The following STPG2 variants were observed in gnomAD, a reference collection of about 807,000 sequenced individuals.
STPG2 encodes the protein sperm-tail PG-rich repeat-containing protein 2.
Under a neutral mutation model 54.2 loss-of-function variants are expected in STPG2, and 56 were observed. That is an observed-to-expected ratio of 1.03 (90% CI 0.83 to 1.29). STPG2 has a LOEUF of 1.29. STPG2 is among the 50% of genes most tolerant of loss of function. The pLI, the probability that STPG2 is intolerant of heterozygous loss-of-function variation, is 0.00. For missense variants in STPG2, 596 were observed against 544.9 expected (o/e 1.09, Z -0.93); for synonymous variants, 200 against 181.8 (o/e 1.10, Z -0.81).
At chr4:98,065,523 T>C (rs2110102665) in intron 5 of STPG2, among the ~76,000 whole-genome samples, 1 of 152,300 alleles carries the variant, frequency 6.6e-6, no homozygotes, top group South Asian at 2.1e-4. Context: ...GATCCTAATG[T>C]ATATTAGAGT....
chr4:97,595,922 T>G (rs1224716879), intron 10 of STPG2, among the ~76,000 whole-genome samples: 1 of 152,284 alleles, frequency 6.6e-6, no homozygotes, highest in South Asian at 2.1e-4. Flanking sequence ...ACATCAATAT[T>G]AACCTTGAAT....
intron 4 of STPG2, among the ~76,000 whole-genome samples, chr4:97,447,185 T>C (rs1358562496): frequency 6.6e-6 from 1 of 152,208 alleles, no homozygotes; most frequent in Non-Finnish European, 1.5e-5. Flanking sequence ...AGAATTTTGC[T>C]CCTGCCCTGG....
intron 8 of STPG2, 57 bp downstream of exon 8, chr4:97,943,840 C>A: frequency 7.6e-7 from 1 of 1,312,576 alleles, no homozygotes. Flanking sequence ...TTATGTTATG[C>A]AGCCTCCTCC....
intron 9 of STPG2, among the ~76,000 whole-genome samples, chr4:97,774,776 C>T (rs1726324826): frequency 6.6e-6 from 1 of 152,176 alleles, no homozygotes. Flanking sequence ...GAACCCATCT[C>T]CTTTCCATCC....
At chr4:97,469,704 A>C (rs1729876074) in intron 4 of STPG2, among the ~76,000 whole-genome samples, 1 of 151,840 alleles carries the variant, frequency 6.6e-6, no homozygotes, top group African/African-American at 2.4e-5. Context: ...ACCCAAGCAA[A>C]ACCAAGCAGA....
In STPG2 at chr4:97,681,153, C is replaced by A. The variant is rs113263606; in HGVS notation, c.1320+31546G>T. On this transcript the variant is annotated intron_variant, in intron 10 of 10. Transcript: ENST00000295268. ...GTGAAATACAGATGTAAAAAGAAAC[C>A]TATTAGTGATGATGAAAATTTTTTT... 5.1e-3 allele frequency among the ~76,000 whole-genome samples: 771 copies of A among 151,712 alleles called. 4 individuals carry two copies. Among genetic ancestry groups the A allele is most frequent in the Middle Eastern group, 0.02 (6 of 294 alleles).
intron 10 of STPG2, among the ~76,000 whole-genome samples, chr4:97,600,743 A>C (rs1733437027): frequency 6.6e-6 from 1 of 152,160 alleles, no homozygotes; most frequent in South Asian, 2.1e-4. Flanking sequence ...GGGAAAGTTC[A>C]AAAATAGCGC....
At chr4:97,844,948 C>T (rs541294575) in intron 8 of STPG2, among the ~76,000 whole-genome samples, 2 of 152,022 alleles carry the variant, frequency 1.3e-5, no homozygotes, top group South Asian at 4.1e-4. Flanking sequence ...CTCAAATCTC[C>T]TGAGTCAAGT....
At chr4:97,690,038 C>G (rs772577742) in intron 10 of STPG2, among the ~76,000 whole-genome samples, 3 of 152,128 alleles carry the variant, frequency 2.0e-5, no homozygotes, top group Non-Finnish European at 4.4e-5. Flanking sequence ...TAATTTTACA[C>G]TTTAAGCATA....
At chr4:97,967,655 C>A (rs1239866811) in intron 7 of STPG2, among the ~76,000 whole-genome samples, 1 of 152,188 alleles carries the variant, frequency 6.6e-6, no homozygotes, top group Non-Finnish European at 1.5e-5. Flanking sequence ...CACAAAAAAA[C>A]TGTCTCTCAG....
At chr4:97,789,365 G>A (rs897294698) in intron 9 of STPG2, among the ~76,000 whole-genome samples, 6 of 151,734 alleles carry the variant, frequency 4.0e-5, no homozygotes, top group African/African-American at 7.3e-5. Context: ...TATAGCATTC[G>A]CAATATGCAG....
At chr4:98,093,278 T>C (rs1203509605) in intron 5 of STPG2, among the ~76,000 whole-genome samples, 1 of 152,206 alleles carries the variant, frequency 6.6e-6, no homozygotes, top group African/African-American at 2.4e-5. Flanking sequence ...TTAATATTTG[T>C]GTTTTTTAAC....
At chr4:97,617,995 T>A (rs1266389491) in intron 10 of STPG2, among the ~76,000 whole-genome samples, 1 of 152,198 alleles carries the variant, frequency 6.6e-6, no homozygotes, top group Non-Finnish European at 1.5e-5. Context: ...TCAACCAAAG[T>A]AAGTAACCCT....
intron 8 of STPG2, among the ~76,000 whole-genome samples, chr4:97,929,318 A>G (rs1228893898): frequency 6.6e-6 from 1 of 152,152 alleles, no homozygotes; most frequent in Non-Finnish European, 1.5e-5. Context: ...GCTATTGTCA[A>G]TAGTACTGCA....
At chr4:97,951,666 T>C (rs1294446228) in intron 7 of STPG2, among the ~76,000 whole-genome samples, 3 of 152,122 alleles carry the variant, frequency 2.0e-5, no homozygotes, top group Non-Finnish European at 4.4e-5. Flanking sequence ...ACATGCTCAG[T>C]GTGTGAGCAA....
chr4:97,835,834 T>C (rs1028423370), intron 9 of STPG2, among the ~76,000 whole-genome samples: 1 of 152,020 alleles, frequency 6.6e-6, no homozygotes, highest in Admixed American at 6.6e-5. Flanking sequence ...TCCTCATGAA[T>C]TGAGGGGTTC....
rs1724166309 is a variant in STPG2 at position 97,712,787 on chromosome 4, C to T, written c.1232G>A (p.Arg411Lys). Residue 411 changes from arginine to lysine, a missense_variant, in exon 10 of 11, where the codon AGG (arginine) becomes AAG (lysine). By Grantham distance (26) the Arg-to-Lys change is conservative (BLOSUM62 2). Coordinates refer to ENST00000295268, the MANE Select transcript of STPG2 (RefSeq NM_174952.3). ...AAATAAGGGTATGGGGCAAGATTTC[C>T]TTAAAACAGGATTGTATGCTGCAGG... ...PGPAAYNPVL[R>K]KSCPIPLFVK... The T allele has an allele frequency of 3.1e-6, 5 of 1,607,310 alleles. No individual in the cohort carries two copies. The highest frequency in any genetic ancestry group is 4.3e-6 in the Non-Finnish European group (5 of 1,175,990).
At chr4:98,086,132 G>C (rs537808416) in intron 5 of STPG2, among the ~76,000 whole-genome samples, 11 of 152,166 alleles carry the variant, frequency 7.2e-5, no homozygotes, top group South Asian at 6.2e-4. Flanking sequence ...CAGAATTGTA[G>C]AAAATATAAA....
At chr4:98,035,344 A>G (rs1736738577) in intron 5 of STPG2, among the ~76,000 whole-genome samples, 1 of 152,188 alleles carries the variant, frequency 6.6e-6, no homozygotes, top group Admixed American at 6.5e-5. Context: ...AAACATAGGG[A>G]AAAAAAGCTC....
Sources: allele counts gnomAD v4.1 joint callset (sites outside exome capture counted in the v4.1 genomes callset), GRCh38; gene constraint gnomAD v4.1.1; transcripts MANE v1.5; gene names NCBI Gene and HGNC (gene_info 2026-07-23, HGNC 2026-07-21).